UBL7: variants seen among roughly 807,000 people sequenced by gnomAD.
UBL7 encodes ubiquitin-like protein 7.
A neutral mutation model predicts 41.7 loss-of-function variants in UBL7; 21 were observed. That is an observed-to-expected ratio of 0.50 (90% CI 0.36 to 0.73). The LOEUF (loss-of-function observed/expected upper bound fraction) is 0.73. Ranked by LOEUF, UBL7 falls within the 30% of genes least tolerant of loss-of-function variation. UBL7 has a pLI of 0.00. For missense variants in UBL7, 403 were observed against 478.4 expected, an observed-to-expected ratio of 0.84 and a Z score of 1.47; for synonymous variants, 157 against 186.9, an observed-to-expected ratio of 0.84 and a Z score of 1.31.
chr15:74,456,597 C>T lies in UBL7; in HGVS notation c.259G>A (p.Val87Ile). The change falls in exon 3 of 11, where the codon GTC becomes ATC. Residue 87 changes from valine (V) to isoleucine (I), a missense_variant. Physicochemically the swap from Val to Ile is conservative, Grantham distance 29. Transcript: ENST00000395081. ...GGCCAGGACTTTCGCAGAACATGGA[C>T]AGTGGACCCAGGTTGAATGCCATAG... Reference protein sequence around the residue: ...DFYGIQPGSTVHVLRKSWPEP... With the variant: ...DFYGIQPGSTIHVLRKSWPEP... 4.3e-6 allele frequency: 7 copies of T among 1,614,172 alleles called. No individual in the cohort carries two copies. The highest frequency in any genetic ancestry group is 5.9e-6 in the Non-Finnish European group (7 of 1,180,014).
intron 7 of UBL7, 27 bp from the exon 8 acceptor site, chr15:74,449,702 AG>A: frequency 6.2e-7 from 1 of 1,614,072 alleles, no homozygotes. Context: ...AGATTTCAGG[AG>A]GAAGAACAGA....
At position 74,446,014 on chromosome 15, in the gene UBL7, T is replaced by C; in HGVS notation, c.*76A>G. On this transcript the variant is annotated 3_prime_UTR_variant, in exon 11 of 11. Transcript: ENST00000395081. This position sits in a 1 kb window ranked among gnomAD's most constrained non-coding sequence, Gnocchi z 4.1. ...TCAGGTATATTGGGGAAGGGAGAGATGGAGGCACCTTCATGAGTGCCTCCC... is the reference window on the plus strand; with the variant it reads ...TCAGGTATATTGGGGAAGGGAGAGACGGAGGCACCTTCATGAGTGCCTCCC... The C allele has an allele frequency of 6.4e-7, 1 of 1,556,134 alleles. No homozygotes were observed. Among genetic ancestry groups the C allele is most frequent in the Non-Finnish European group, 8.7e-7 (1 of 1,147,060 alleles).
chr15:74,449,119 T>C, intron 9 of UBL7, 67 bp downstream of exon 9: 1 of 1,493,902 alleles, frequency 6.7e-7, no homozygotes. Flanking sequence ...AAGGCAAATC[T>C]ACTCTACTGC....
chr15:74,459,168 T>C (rs1196452941), intron 1 of UBL7: 4 of 335,080 alleles, frequency 1.2e-5, no homozygotes, highest in Non-Finnish European at 2.2e-5. Flanking sequence ...CATCTAACCC[T>C]CTCCCTTCTG....
intron 2 of UBL7, among the ~76,000 whole-genome samples, chr15:74,457,320 G>A (rs1165598794): frequency 3.9e-5 from 6 of 152,118 alleles, no homozygotes; most frequent in Admixed American, 2.0e-4. Flanking sequence ...GAGGTGGGTG[G>A]ATCACCTGAG....
In UBL7 at chr15:74,452,409, T is replaced by C. The variant is rs764766458; in HGVS notation, c.305-31A>G. ...GGACAAGACATTCAGAGTTACCCTA[T>C]AGCGCAGGTCCTGTCTCTGCCACAG... On this transcript the variant is annotated intron_variant, in intron 3 of 10. Coordinates refer to ENST00000395081, the MANE Select transcript of UBL7 (RefSeq NM_032907.5). 1.5e-5 allele frequency: 24 copies of C among 1,549,138 alleles called. No individual in the cohort carries two copies. In the Admixed American group the frequency reaches 3.3e-4, roughly 22 times the overall value.
intron 3 of UBL7, among the ~76,000 whole-genome samples, chr15:74,456,181 C>G (rs1381451072): frequency 6.6e-6 from 1 of 151,530 alleles, no homozygotes; most frequent in Non-Finnish European, 1.5e-5. Context: ...GCCTGTAATC[C>G]CAGCTACTCG....
Position 74,456,596 on chromosome 15 carries a change from A to G in UBL7, c.260T>C (p.Val87Ala), listed in dbSNP as rs370622806. ...AGGCCAGGACTTTCGCAGAACATGGACAGTGGACCCAGGTTGAATGCCATA... is the reference window on the plus strand; with the variant it reads ...AGGCCAGGACTTTCGCAGAACATGGGCAGTGGACCCAGGTTGAATGCCATA... ...DFYGIQPGSTVHVLRKSWPEP... is the reference protein window; with the variant it reads ...DFYGIQPGSTAHVLRKSWPEP... The change falls in exon 3 of 11, where the codon GTC becomes GCC. Residue 87 changes from valine (V) to alanine (A), a missense_variant. By Grantham distance (64) the Val-to-Ala change is moderately conservative (BLOSUM62 0). Coordinates refer to ENST00000395081, the MANE Select transcript of UBL7 (RefSeq NM_032907.5). The G allele has an allele frequency of 5.2e-5, 84 of 1,614,048 alleles. No individual in the cohort carries two copies. Among genetic ancestry groups the G allele is most frequent in the Non-Finnish European group, 4.9e-5 (58 of 1,180,026 alleles).
rs576901615 is a variant in UBL7 at position 74,451,682 on chromosome 15, T to G, written c.388-162A>C. 3.3e-5 allele frequency among the ~76,000 whole-genome samples: 5 copies of G among 151,628 alleles called. No individual in the cohort carries two copies. In the East Asian group the frequency reaches 7.8e-4, roughly 24 times the overall value. On this transcript the variant is annotated intron_variant, in intron 4 of 10. Coordinates refer to ENST00000395081, the MANE Select transcript of UBL7 (RefSeq NM_032907.5). ...AGATGAACCTCTTTTTGCTCTAAGA[T>G]CTTAGCTTACTGGAGGGGAAACAAA...
At chr15:74,454,586 C>T (rs1555432523) in intron 3 of UBL7, among the ~76,000 whole-genome samples, 2 of 152,040 alleles carry the variant, frequency 1.3e-5, no homozygotes, top group Non-Finnish European at 2.9e-5. Flanking sequence ...TTAGTATAGA[C>T]GGGGTTTCTC....
At position 74,448,526 on chromosome 15, in the gene UBL7, G is replaced by A; in HGVS notation, c.957C>T (p.Ser319=). The change falls in exon 10 of 11, where the codon AGC becomes AGT. Residue 319 remains serine, a synonymous_variant. Coordinates refer to ENST00000395081, the MANE Select transcript of UBL7 (RefSeq NM_032907.5). ...CCTGAAGGGCATGCTGTAGGGCTTG[G>A]CTGAAGAGATCATTGGTGATGGGCG... ...SGTPITNDLF[S]QALQHALQAS... is the part of the protein sequence containing the mutation. The A allele has an allele frequency of 6.2e-7, 1 of 1,614,190 alleles. No individual in the cohort carries two copies.
Position 74,446,063 on chromosome 15 carries a change from G to T in UBL7, c.*27C>A, listed in dbSNP as rs1459464731. On this transcript the variant is annotated 3_prime_UTR_variant, in exon 11 of 11. Transcript: ENST00000395081. This position sits in a 1 kb window ranked among gnomAD's most constrained non-coding sequence, Gnocchi z 4.1. ...CCAAGGGCAGTAGCCTCTGCAACTT[G>T]CTGGGGGTTCAGGGGAAGCAGGGAG... 6.2e-7 allele frequency: 1 copy of T among 1,611,404 alleles called. No individual in the cohort carries two copies. The highest frequency in any genetic ancestry group is 2.2e-5 in the East Asian group (1 of 44,846).
intron 6 of UBL7, 139 bp from the exon 7 acceptor site, chr15:74,450,208 C>T (rs754371279): frequency 6.3e-6 from 7 of 1,106,728 alleles, no homozygotes; most frequent in South Asian, 1.8e-5. Context: ...GCATCTTCCA[C>T]CAGGAAGCTT....
intron 4 of UBL7, 90 bp downstream of exon 4, chr15:74,452,206 C>T (rs924597068): frequency 8.1e-5 from 112 of 1,383,744 alleles, no homozygotes; most frequent in Non-Finnish European, 1.0e-4. Context: ...GCCATGGCAA[C>T]GGGCTTCCAG....
intron 4 of UBL7, among the ~76,000 whole-genome samples, chr15:74,451,998 A>G (rs1054377987): frequency 6.6e-6 from 1 of 152,236 alleles, no homozygotes; most frequent in Non-Finnish European, 1.5e-5. Flanking sequence ...GGCAGTAAGC[A>G]GGCAGTTCAG....
intron 3 of UBL7, among the ~76,000 whole-genome samples, chr15:74,453,756 C>T (rs767670325): frequency 6.6e-6 from 1 of 152,178 alleles, no homozygotes; most frequent in African/African-American, 2.4e-5. Context: ...GGGTTCTTCT[C>T]CTATAGGCCC....
Position 74,449,924 on chromosome 15 carries a change from T to C in UBL7, c.664+12A>G, listed in dbSNP as rs775320943. 2.9e-5 allele frequency: 46 copies of C among 1,607,092 alleles called. No individual in the cohort carries two copies. The highest frequency in any genetic ancestry group is 3.4e-5 in the Non-Finnish European group (40 of 1,176,818). Reference sequence around the variant, plus strand: ...TCCTGAGGGGCCCACATTACACTTTTCAGGCGCTCACCTGGCATATCCCGG... The same window carrying C: ...TCCTGAGGGGCCCACATTACACTTTCCAGGCGCTCACCTGGCATATCCCGG... On this transcript the variant is annotated intron_variant, in intron 7 of 10. Transcript: ENST00000395081.
intron 5 of UBL7, 110 bp downstream of exon 5, chr15:74,451,326 A>G (rs1388310068): frequency 2.0e-6 from 2 of 996,832 alleles, no homozygotes; most frequent in Non-Finnish European, 3.1e-6. Context: ...TCTTCCCACA[A>G]GACCAGTCAT....
chr15:74,451,635 A>G (rs1046248824), intron 4 of UBL7, 115 bp from the exon 5 acceptor site: 1 of 683,178 alleles, frequency 1.5e-6, no homozygotes, highest in Non-Finnish European at 2.5e-6. Context: ...CATCACCACA[A>G]TGGAACAATA....
Sources: gnomAD v4.1 joint callset for allele counts (sites outside exome capture counted in the v4.1 genomes callset) on GRCh38, gnomAD v4.1.1 for gene constraint, Gnocchi (gnomAD v3.1) non-coding constraint, MANE v1.5 for transcripts, NCBI Gene and HGNC (gene_info 2026-07-23, HGNC 2026-07-21) for gene names.